ADAMTS17: variants seen among roughly 807,000 people sequenced by gnomAD.
The protein encoded by ADAMTS17 is A disintegrin and metalloproteinase with thrombospondin motifs 17.
In ADAMTS17, 113 loss-of-function variants were observed where a neutral mutation model predicts 141.5. The ratio of observed to expected loss-of-function variants is 0.80; its 90% CI spans 0.69 to 0.93. ADAMTS17 has a LOEUF of 0.93. ADAMTS17 is among the 40% of genes least tolerant of loss of function. The pLI, the probability that ADAMTS17 is intolerant of heterozygous loss-of-function variation, is 0.00. For synonymous variants in ADAMTS17, 768 were observed against 630.6 expected (o/e 1.22, Z -3.27); for missense variants, 1,659 against 1,517.9 (o/e 1.09, Z -1.54).
At chr15:100,144,511 C>G (rs1307828021) in intron 10 of ADAMTS17, among the ~76,000 whole-genome samples, 1 of 152,058 alleles carries the variant, frequency 6.6e-6, no homozygotes, top group Non-Finnish European at 1.5e-5. Context: ...GACTGTGCCA[C>G]TGCTCTCCAG....
chr15:100,017,647 G>T (rs1235750774), intron 18 of ADAMTS17, among the ~76,000 whole-genome samples: 1 of 152,198 alleles, frequency 6.6e-6, no homozygotes, highest in East Asian at 1.9e-4. Flanking sequence ...TCCAGTGGGG[G>T]TGTATGTTTG....
intron 7 of ADAMTS17, among the ~76,000 whole-genome samples, chr15:100,239,659 G>A (rs979028598): frequency 6.6e-6 from 1 of 152,172 alleles, no homozygotes; most frequent in Non-Finnish European, 1.5e-5. Flanking sequence ...ATGCTTTGAC[G>A]TCTAATGAGC....
At chr15:100,127,723 A>G (rs1158996537) in intron 12 of ADAMTS17, among the ~76,000 whole-genome samples, 1 of 152,110 alleles carries the variant, frequency 6.6e-6, no homozygotes, top group Non-Finnish European at 1.5e-5. Flanking sequence ...CTGGGATTAC[A>G]GGCATGTGCC....
chr15:100,262,167 TCAA>T (rs2141997420), intron 5 of ADAMTS17, among the ~76,000 whole-genome samples, 182 bp downstream of exon 5: 1 of 152,144 alleles, frequency 6.6e-6, no homozygotes, highest in African/African-American at 2.4e-5. Context: ...CCTGAGATTC[TCAA>T]CAGCCCCCCC....
At chr15:100,033,061 A>T (rs1326086519) in intron 18 of ADAMTS17, among the ~76,000 whole-genome samples, 1 of 152,206 alleles carries the variant, frequency 6.6e-6, no homozygotes, top group Non-Finnish European at 1.5e-5. Flanking sequence ...GAGAAAAAAA[A>T]TGGTTCTCTG....
At chr15:100,144,282 T>C (rs1286653334) in intron 10 of ADAMTS17, among the ~76,000 whole-genome samples, 1 of 152,206 alleles carries the variant, frequency 6.6e-6, no homozygotes, top group African/African-American at 2.4e-5. Flanking sequence ...CTGGGCGTGG[T>C]GGCTCACACC....
chr15:100,170,186 A>T (rs1011048475), intron 8 of ADAMTS17, among the ~76,000 whole-genome samples: 2 of 152,162 alleles, frequency 1.3e-5, no homozygotes, highest in African/African-American at 2.4e-5. Flanking sequence ...TCTTTGTGAC[A>T]TTCATCCGTC....
At chr15:100,211,309 A>G (rs1279806832) in intron 7 of ADAMTS17, among the ~76,000 whole-genome samples, 4 of 150,480 alleles carry the variant, frequency 2.7e-5, no homozygotes, top group African/African-American at 9.7e-5. Context: ...AAAAAAAAAA[A>G]AAAAAAAAAA....
At chr15:100,226,472 T>A (rs1374770868) in intron 7 of ADAMTS17, among the ~76,000 whole-genome samples, 1 of 152,218 alleles carries the variant, frequency 6.6e-6, no homozygotes, top group African/African-American at 2.4e-5. Context: ...CTGTATACCA[T>A]CCACATCCAG....
At chr15:100,047,049 GAGCC>G in intron 18 of ADAMTS17, among the ~76,000 whole-genome samples, 2 of 152,106 alleles carry the variant, frequency 1.3e-5, no homozygotes, top group Middle Eastern at 6.8e-3. Flanking sequence ...GAAAGAGAAT[GAGCC>G]CCTGAGGGTA....
At chr15:100,279,288 A>G (rs1422427469) in intron 4 of ADAMTS17, among the ~76,000 whole-genome samples, 1 of 152,082 alleles carries the variant, frequency 6.6e-6, no homozygotes, top group Non-Finnish European at 1.5e-5. Flanking sequence ...CCTCCCCAGC[A>G]CTTACCCCTG....
At chr15:100,115,950 A>G (rs1411255519) in intron 13 of ADAMTS17, among the ~76,000 whole-genome samples, 1 of 152,156 alleles carries the variant, frequency 6.6e-6, no homozygotes, top group African/African-American at 2.4e-5. Flanking sequence ...TGTCAGCTGC[A>G]GGTGCTTAGA....
chr15:100,146,355 T>C (rs554392269), intron 10 of ADAMTS17, among the ~76,000 whole-genome samples: 2 of 152,236 alleles, frequency 1.3e-5, no homozygotes, highest in Non-Finnish European at 2.9e-5. Flanking sequence ...ACTTTTATAA[T>C]TTCTTATGCC....
intron 8 of ADAMTS17, among the ~76,000 whole-genome samples, chr15:100,158,470 G>C (rs1234800275): frequency 1.3e-5 from 2 of 152,094 alleles, no homozygotes; most frequent in South Asian, 2.1e-4. Context: ...CTTCACATGA[G>C]AGCTGCCCTC....
intron 8 of ADAMTS17, among the ~76,000 whole-genome samples, chr15:100,184,734 C>T (rs531255208): frequency 1.7e-4 from 26 of 152,288 alleles, no homozygotes; most frequent in African/African-American, 6.3e-4. Flanking sequence ...TCTGTCACCA[C>T]CTTCCCTCCG....
chr15:99,980,114 A>T (rs1044712760), intron 20 of ADAMTS17: 2 of 152,254 alleles, frequency 1.3e-5, no homozygotes, highest in African/African-American at 2.4e-5. Context: ...TGAGGCCAGA[A>T]GTTCGAGACC....
intron 18 of ADAMTS17, 21 bp downstream of exon 18, chr15:100,048,836 C>T: frequency 6.2e-7 from 1 of 1,614,134 alleles, no homozygotes; most frequent in African/African-American, 1.3e-5. Flanking sequence ...TGGGTCCAAG[C>T]TACAGAACCC....
At chr15:100,047,133 C>T (rs886511214) in intron 18 of ADAMTS17, among the ~76,000 whole-genome samples, 1 of 151,892 alleles carries the variant, frequency 6.6e-6, no homozygotes, top group African/African-American at 2.4e-5. Flanking sequence ...AAATGAGCCC[C>T]AGTCTCCCAT....
rs1400081282 is a variant in ADAMTS17, at chr15:100,309,872, A to C, written c.616+21017T>G. 3.9e-5 allele frequency among the ~76,000 whole-genome samples: 6 copies of C among 152,118 alleles called. No individual in the cohort carries two copies. The East Asian group carries it at 1.2e-3, about 29-fold the overall frequency. The stretch of plus-strand genomic sequence containing the variant: ...CGACCACAGTAGCCAACGCCTGTAC[A>C]CACGTGATGAAGCAAACACAGCAGA... On this transcript the variant is annotated intron_variant, in intron 3 of 21. Coordinates refer to ENST00000268070, the MANE Select transcript of ADAMTS17 (RefSeq NM_139057.4).
Sources: allele counts gnomAD v4.1 joint callset (sites outside exome capture counted in the v4.1 genomes callset), GRCh38; gene constraint gnomAD v4.1.1; transcripts MANE v1.5; gene names NCBI Gene and HGNC (gene_info 2026-07-23, HGNC 2026-07-21).